CEP120: variants seen among roughly 807,000 people sequenced by gnomAD.
CEP120 encodes centrosomal protein of 120 kDa.
In CEP120, 113 loss-of-function variants were observed where a neutral mutation model predicts 126.5. The observed-to-expected ratio is 0.89, with a 90% CI of 0.77 to 1.04. The LOEUF is 1.04. Among genes scored for constraint, CEP120 ranks in the 50% least tolerant of loss-of-function variants. The probability of loss-of-function intolerance (pLI) is 0.00; values close to 1 mark genes in which losing one functional copy is unlikely to be tolerated. For synonymous variants in CEP120, 400 were observed against 394.3 expected (o/e 1.01, Z -0.17); for missense variants, 1,230 against 1,155.7 (o/e 1.06, Z -0.93).
At chr5:123,361,042 T>G (rs374833467) in intron 18 of CEP120, among the ~76,000 whole-genome samples, 2 of 116,572 alleles carry the variant, frequency 1.7e-5, no homozygotes, top group Admixed American at 8.7e-5. Flanking sequence ...TAATTAATGA[T>G]TATTCAATTC....
At chr5:123,401,952 G>A (rs577308051) in intron 4 of CEP120, 1,519 of 1,584,554 alleles carry the variant, frequency 9.6e-4, no homozygotes, top group Non-Finnish European at 1.1e-3. Context: ...GCTCCCGGCC[G>A]TCTTCTGCTG....
chr5:123,401,921 C>G, intron 4 of CEP120: 2 of 1,554,040 alleles, frequency 1.3e-6, no homozygotes, highest in Non-Finnish European at 8.8e-7. Flanking sequence ...TGATGTAGCT[C>G]TTGAACATGT....
chr5:123,390,635 T>C (rs1772330415), intron 7 of CEP120, among the ~76,000 whole-genome samples: 1 of 152,214 alleles, frequency 6.6e-6, no homozygotes, highest in African/African-American at 2.4e-5. Context: ...AGTTGATTTC[T>C]GGGAATAGAT....
intron 2 of CEP120, among the ~76,000 whole-genome samples, chr5:123,416,905 T>A (rs1395662150): frequency 6.6e-6 from 1 of 152,042 alleles, no homozygotes; most frequent in Non-Finnish European, 1.5e-5. Flanking sequence ...AAATTTAAAT[T>A]AATAATATAA....
intron 17 of CEP120, among the ~76,000 whole-genome samples, chr5:123,368,393 T>G (rs760861963): frequency 6.6e-6 from 1 of 151,946 alleles, no homozygotes; most frequent in Admixed American, 6.6e-5. Flanking sequence ...ACTACAGAAT[T>G]CATATTTATA....
At chr5:123,348,609 C>A (rs925034378) in intron 19 of CEP120, among the ~76,000 whole-genome samples, 7 of 152,178 alleles carry the variant, frequency 4.6e-5, no homozygotes, top group Non-Finnish European at 1.0e-4. Flanking sequence ...GCTAGGAACC[C>A]ACTTAATATA....
rs1580673890 is a variant in CEP120, at chr5:123,377,254, A to ATGAT, written c.2358+116_2358+119dup. 34 of 877,614 alleles carry ATGAT rather than the reference A, an allele frequency of 3.9e-5. No individual in the cohort carries two copies. The East Asian group carries it at 9.3e-4, about 24-fold the overall frequency. 54.4% of individuals were successfully genotyped at this position (877,614 alleles called of 1,614,324 possible). ...TATATTTGAATCTCAGTGCAATAAT[A>ATGAT]TGATTAATAGTCTAAATTACTATGA... On this transcript the variant is annotated intron_variant, in intron 16 of 19. Coordinates refer to ENST00000306467, the MANE Select transcript of CEP120 (RefSeq NM_001375405.1).
At chr5:123,412,311 T>C (rs1774108697) in intron 4 of CEP120, 88 bp downstream of exon 4, 9 of 1,274,908 alleles carry the variant, frequency 7.1e-6, no homozygotes, top group Admixed American at 2.5e-5. Flanking sequence ...ACACCCTGCA[T>C]ATATGTCCCT....
chr5:123,403,080 AACAGGTAAG>A (rs1773374654), intron 4 of CEP120: 1 of 282,366 alleles, frequency 3.5e-6, no homozygotes, highest in Non-Finnish European at 7.0e-6. Flanking sequence ...AGCAGCACAA[AACAGGTAAG>A]ACCATATGTA....
chr5:123,384,887 A>C, intron 11 of CEP120, 64 bp downstream of exon 11: 4 of 1,388,238 alleles, frequency 2.9e-6, no homozygotes, highest in Non-Finnish European at 3.9e-6. Flanking sequence ...GTGGTGGCTG[A>C]CTAATCAAAA....
Position 123,393,478 on chromosome 5 carries a change from T to G in CEP120, c.632A>C (p.Lys211Thr). 2 of 1,613,856 alleles carry G rather than the reference T, an allele frequency of 1.2e-6. No homozygotes were observed. The highest frequency in any genetic ancestry group is 8.5e-7 in the Non-Finnish European group (1 of 1,179,812). Residue 211 changes from lysine (K) to threonine (T), a missense_variant, in exon 6 of 20, where the codon AAA becomes ACA. Physicochemically the swap from Lys to Thr is moderately conservative, Grantham distance 78. Coordinates refer to ENST00000306467, the MANE Select transcript of CEP120 (RefSeq NM_001375405.1). ...AAACTCAGGCTGTCTTTCTGGAAGT[T>G]TCATGGTACATGGAATTAACTAAAC... is the stretch of plus-strand genomic sequence containing the variant. ...QLEQLIPCTM[K>T]LPERQPEFFF...
At chr5:123,400,606 CAT>C (rs924988579) in intron 4 of CEP120, among the ~76,000 whole-genome samples, 4 of 138,902 alleles carry the variant, frequency 2.9e-5, no homozygotes, top group Non-Finnish European at 6.1e-5. Flanking sequence ...ATTCAGATAT[CAT>C]ATATATACAT....
chr5:123,364,645 A>G (rs2127002735), intron 17 of CEP120, 51 bp from the exon 18 acceptor site: 1 of 1,052,756 alleles, frequency 9.5e-7, no homozygotes, highest in African/African-American at 1.6e-5. Flanking sequence ...ACTGTGTACA[A>G]CCACTGAAAG....
chr5:123,381,535 A>G (rs563728269), intron 14 of CEP120, among the ~76,000 whole-genome samples: 3 of 152,234 alleles, frequency 2.0e-5, no homozygotes, highest in Admixed American at 1.3e-4. Context: ...GTAAATGGAT[A>G]AATATTAAGC....
rs114913046 is a variant in CEP120, at chr5:123,384,812, C to G, written c.1763+139G>C. ...ATAGCTGCCACAGGTCAGAGAAGAT[C>G]AGAAAAAGGAGGTTATGAAAGGGTG... On this transcript the variant is annotated intron_variant, in intron 11 of 19. Coordinates refer to ENST00000306467, the MANE Select transcript of CEP120 (RefSeq NM_001375405.1). The G allele has an allele frequency of 6.5e-4, 444 of 686,600 alleles. 1 individual carries two copies. The African/African-American group carries it at 7.5e-3, about 12-fold the overall frequency. The allele number at this position is 686,600 out of a possible 1,614,324, so 42.5% of individuals were successfully genotyped here.
chr5:123,377,264 G>A (rs1013412869), intron 16 of CEP120, 110 bp downstream of exon 16: 2 of 980,064 alleles, frequency 2.0e-6, no homozygotes, highest in Non-Finnish European at 3.1e-6. Context: ...ATGATTAATA[G>A]TCTAAATTAC....
chr5:123,377,144 C>G (rs764608781), intron 16 of CEP120, among the ~76,000 whole-genome samples: 5 of 152,020 alleles, frequency 3.3e-5, no homozygotes, highest in African/African-American at 1.2e-4. Context: ...TTAAAGAAGA[C>G]TTATCAGAAA....
At chr5:123,391,085 G>C (rs1470284404) in intron 7 of CEP120, 25 bp downstream of exon 7, 2 of 1,560,800 alleles carry the variant, frequency 1.3e-6, no homozygotes, top group Admixed American at 1.8e-5. Flanking sequence ...TGAAGCCAGG[G>C]GAATGAAGGA....
chr5:123,389,641 C>A (rs2127067321), intron 8 of CEP120, among the ~76,000 whole-genome samples: 1 of 152,254 alleles, frequency 6.6e-6, no homozygotes, highest in South Asian at 2.1e-4. Flanking sequence ...GCTGGGATTA[C>A]AGGCATGCAC....
Sources: gnomAD v4.1 joint callset for allele counts (sites outside exome capture counted in the v4.1 genomes callset) on GRCh38, gnomAD v4.1.1 for gene constraint, MANE v1.5 for transcripts, NCBI Gene and HGNC (gene_info 2026-07-23, HGNC 2026-07-21) for gene names.